The following FGF12 variants were observed in gnomAD, a reference collection of about 807,000 sequenced individuals.
FGF12 encodes the protein fibroblast growth factor 12B.
Under a neutral mutation model 23.6 loss-of-function variants are expected in FGF12, and 14 were observed. The observed-to-expected ratio is 0.59, with a 90% CI of 0.39 to 0.93. The LOEUF is 0.93. Among genes scored for constraint, FGF12 ranks in the 40% least tolerant of loss-of-function variants. FGF12 has a pLI of 0.00. For synonymous variants in FGF12, 62 were observed against 77.3 expected, an observed-to-expected ratio of 0.80 and a Z score of 1.04; for missense variants, 175 against 217.8, an observed-to-expected ratio of 0.80 and a Z score of 1.24.
intron 4 of FGF12, among the ~76,000 whole-genome samples, chr3:192,222,485 G>A (rs1012638595): frequency 1.3e-5 from 2 of 152,062 alleles, no homozygotes; most frequent in African/African-American, 4.8e-5. Context: ...AAACTCAAAA[G>A]GAAAGAATAA....
intron 2 of FGF12, among the ~76,000 whole-genome samples, chr3:192,686,575 G>T (rs1206705354): frequency 6.6e-6 from 1 of 151,916 alleles, no homozygotes; most frequent in Non-Finnish European, 1.5e-5. Context: ...TTTGAAGTGG[G>T]TTACTTAAGG....
chr3:192,425,903 A>G (rs910722581), intron 2 of FGF12, among the ~76,000 whole-genome samples: 1 of 152,224 alleles, frequency 6.6e-6, no homozygotes, highest in African/African-American at 2.4e-5. Context: ...CAATACATTA[A>G]AATTACATGG....
intron 2 of FGF12, among the ~76,000 whole-genome samples, chr3:192,592,097 G>C (rs1236827882): frequency 6.6e-6 from 1 of 151,710 alleles, no homozygotes; most frequent in Non-Finnish European, 1.5e-5. Flanking sequence ...CTGTATACCT[G>C]GATACTTTTA....
At chr3:192,647,703 G>A (rs1420749377) in intron 2 of FGF12, among the ~76,000 whole-genome samples, 1 of 145,742 alleles carries the variant, frequency 6.9e-6, no homozygotes, top group Middle Eastern at 3.6e-3. Flanking sequence ...GTATATATGT[G>A]TATATATACA....
At chr3:192,505,984 G>A (rs1560132860) in intron 2 of FGF12, among the ~76,000 whole-genome samples, 1 of 152,222 alleles carries the variant, frequency 6.6e-6, no homozygotes, top group Non-Finnish European at 1.5e-5. Context: ...CATGCATACT[G>A]AACAAATATG....
chr3:192,721,131 G>C (rs918876015), intron 2 of FGF12, among the ~76,000 whole-genome samples: 6 of 152,122 alleles, frequency 3.9e-5, no homozygotes, highest in Admixed American at 1.3e-4. Context: ...ATTGAGTGTC[G>C]TGCAGTATAC....
chr3:192,601,059 A>C (rs563755149), intron 2 of FGF12, among the ~76,000 whole-genome samples: 58 of 152,266 alleles, frequency 3.8e-4, no homozygotes, highest in Non-Finnish European at 7.1e-4. Context: ...GGTGTCCAAC[A>C]ACTGATGAAT....
chr3:192,244,213 T>C (rs1719769071), intron 4 of FGF12, among the ~76,000 whole-genome samples: 1 of 152,130 alleles, frequency 6.6e-6, no homozygotes. Flanking sequence ...AGAAATTTAC[T>C]CTGCAGATAT....
chr3:192,277,850 C>A (rs1431056843), intron 4 of FGF12, among the ~76,000 whole-genome samples: 1 of 152,188 alleles, frequency 6.6e-6, no homozygotes, highest in East Asian at 1.9e-4. Context: ...GCAACCTTCA[C>A]CTCCCGGGTT....
intron 4 of FGF12, among the ~76,000 whole-genome samples, chr3:192,278,765 C>A (rs1577313270): frequency 6.6e-6 from 1 of 152,150 alleles, no homozygotes; most frequent in Non-Finnish European, 1.5e-5. Flanking sequence ...GGAGAGCCCA[C>A]AAAGGGAAGT....
At chr3:192,170,786 T>C in intron 4 of FGF12, 130 bp from the exon 5 acceptor site, 1 of 754,066 alleles carries the variant, frequency 1.3e-6, no homozygotes, top group Non-Finnish European at 2.1e-6. Flanking sequence ...GACACATAGT[T>C]TCTATTAGCC....
intron 4 of FGF12, among the ~76,000 whole-genome samples, chr3:192,274,808 A>G (rs1321370241): frequency 6.6e-6 from 1 of 152,228 alleles, no homozygotes; most frequent in East Asian, 1.9e-4. Flanking sequence ...AGCTTTTGCA[A>G]GTAAACTGGT....
At chr3:192,690,928 T>C (rs979052827) in intron 2 of FGF12, among the ~76,000 whole-genome samples, 1 of 151,954 alleles carries the variant, frequency 6.6e-6, no homozygotes, top group Non-Finnish European at 1.5e-5. Flanking sequence ...AAAACTGTTA[T>C]AAGGGACAAA....
chr3:192,494,530 G>A (rs1413521188), intron 2 of FGF12, among the ~76,000 whole-genome samples: 1 of 152,136 alleles, frequency 6.6e-6, no homozygotes, highest in East Asian at 1.9e-4. Context: ...TCTGAGTCAT[G>A]ATTCCAAATC....
rs1359937266 is a variant in FGF12 at position 192,151,071 on chromosome 3, T to G, written c.428-6944A>C. On this transcript the variant is annotated intron_variant, in intron 5 of 5. Transcript: ENST00000445105. Reference sequence around the variant, plus strand: ...GGATTCCTAGGTATTTTATTCTCTTTGAAGCAATTGTGAATGGGAGTTCAC... The same window carrying G: ...GGATTCCTAGGTATTTTATTCTCTTGGAAGCAATTGTGAATGGGAGTTCAC... 2.8e-3 allele frequency among the ~76,000 whole-genome samples: 408 copies of G among 144,426 alleles called. 2 individuals carry two copies. Among genetic ancestry groups the G allele is most frequent in the African/African-American group, 0.01 (401 of 38,732 alleles). 94.7% of individuals were successfully genotyped at this position (144,426 alleles called of 152,430 possible).
At chr3:192,537,420 G>A (rs1306310619) in intron 2 of FGF12, among the ~76,000 whole-genome samples, 1 of 152,054 alleles carries the variant, frequency 6.6e-6, no homozygotes, top group African/African-American at 2.4e-5. Flanking sequence ...TTCCCACCAA[G>A]AGTGTACAAG....
chr3:192,430,677 T>G (rs988688305), intron 2 of FGF12, among the ~76,000 whole-genome samples: 1 of 152,152 alleles, frequency 6.6e-6, no homozygotes, highest in African/African-American at 2.4e-5. Context: ...GACATTCAAT[T>G]CATTTATTGG....
chr3:192,183,253 TGAG>T (rs994205921), intron 4 of FGF12, among the ~76,000 whole-genome samples: 4 of 152,124 alleles, frequency 2.6e-5, no homozygotes, highest in Admixed American at 2.6e-4. Flanking sequence ...GTGAGTAGGC[TGAG>T]ATCTGACATC....
In FGF12 at chr3:192,408,050, G is replaced by A; in HGVS notation, c.14-47512C>T. 6.2e-7 allele frequency: 1 copy of A among 1,612,092 alleles called. No individual in the cohort carries two copies. The highest frequency in any genetic ancestry group is 8.5e-7 in the Non-Finnish European group (1 of 1,179,594). ...CTGGTCTCCGCCTCACCGGCCTCTT[G>A]CGGCCGCTGCAGAAGCGCACTTTGC... is the stretch of plus-strand genomic sequence containing the variant. On this transcript the variant is annotated intron_variant, in intron 2 of 5. Coordinates refer to ENST00000445105, the MANE Select transcript of FGF12 (RefSeq NM_004113.6). The surrounding 1 kb of genome is among the most constrained non-coding windows in gnomAD (Gnocchi z 7.3).
Sources: gnomAD v4.1 joint callset for allele counts (sites outside exome capture counted in the v4.1 genomes callset) on GRCh38, gnomAD v4.1.1 for gene constraint, Gnocchi (gnomAD v3.1) non-coding constraint, MANE v1.5 for transcripts, NCBI Gene and HGNC (gene_info 2026-07-23, HGNC 2026-07-21) for gene names.